CLPP: variants seen among roughly 807,000 people sequenced by gnomAD.
CLPP encodes caseinolytic mitochondrial matrix peptidase proteolytic subunit.
In CLPP, 14 loss-of-function variants were observed where a neutral mutation model predicts 27.4. The observed-to-expected ratio is 0.51, with a 90% confidence interval of 0.34 to 0.80. The LOEUF is 0.80. Among genes scored for constraint, CLPP ranks in the 30% least tolerant of loss-of-function variants. The probability of loss-of-function intolerance (pLI) is 0.02; values close to 1 mark genes in which losing one functional copy is unlikely to be tolerated. For synonymous variants in CLPP, 193 were observed against 166.6 expected, an observed-to-expected ratio of 1.16 and a Z score of -1.22; for missense variants, 361 against 403.6, an observed-to-expected ratio of 0.89 and a Z score of 0.90.
intron 5 of CLPP, among the ~76,000 whole-genome samples, chr19:6,367,749 TGC>T: frequency 6.7e-6 from 1 of 150,082 alleles, no homozygotes; most frequent in South Asian, 2.1e-4. Context: ...GATGGAGTCT[TGC>T]TTTGTTGCCC....
chr19:6,369,104 C>G lies in CLPP; in HGVS notation c.*394C>G, dbSNP rs191987887. Among the ~76,000 whole-genome samples the G allele has an allele frequency of 6.6e-6, 1 of 152,228 alleles. No homozygotes were observed. The highest frequency in any genetic ancestry group is 6.5e-5 in the Admixed American group (1 of 15,286). Reference sequence around the variant, plus strand: ...AAACCCTCCTCAAAAGAGCTCCATTCTTGTGGCAGTAGACAGTTACTAAAA... The same window carrying G: ...AAACCCTCCTCAAAAGAGCTCCATTGTTGTGGCAGTAGACAGTTACTAAAA... On this transcript the variant is annotated 3_prime_UTR_variant, in exon 6 of 6. Transcript: ENST00000245816.
chr19:6,364,538 G>A lies in CLPP; in HGVS notation c.454G>A (p.Ala152Thr), dbSNP rs754679245. The change falls in exon 4 of 6, where the codon GCC (alanine) becomes ACC (threonine). Residue 152 changes from alanine (A) to threonine (T), a missense_variant. Ala to Thr is a moderately conservative substitution (Grantham distance 58). This residue lies in a region of CLPP where 213 missense variants were observed against 280.9 expected (regional missense o/e 0.76). Transcript: ENST00000245816. ...CTGCACCTGGTGCGTGGGCCAGGCC[G>A]CCAGCATGGGCTCCCTGCTTCTCGC... The part of the protein sequence containing the change: ...PICTWCVGQA[A>T]SMGSLLLAAG... 28 of 1,612,738 alleles carry A rather than the reference G, an allele frequency of 1.7e-5. No homozygotes were observed. Among genetic ancestry groups the A allele is most frequent in the South Asian group, 3.3e-5 (3 of 91,040 alleles).
rs1244138178 is a variant in CLPP, at chr19:6,370,168, A to C, written c.*1458A>C. 6.6e-6 allele frequency among the ~76,000 whole-genome samples: 1 copy of C among 152,206 alleles called. No individual in the cohort carries two copies. Among genetic ancestry groups the C allele is most frequent in the East Asian group, 1.9e-4 (1 of 5,204 alleles). ...GGGATCAGGAGTTGATTTTGGATAT[A>C]TTATACCTGATGTTTTGATATGTCC... On this transcript the variant is annotated 3_prime_UTR_variant, in exon 6 of 6. Transcript: ENST00000245816.
In CLPP at chr19:6,364,480, C is replaced by T; in HGVS notation, c.396C>T (p.Ile132=). ...GTGTGGTGACCGCGGGCCTGGCCAT[C>T]TACGACACGATGCAGTACATCCTCA... The part of the protein sequence containing the change: ...PGGVVTAGLA[I]YDTMQYILNP... The change falls in exon 4 of 6, where the codon ATC becomes ATT. Residue 132 remains isoleucine (I), a synonymous_variant. Coordinates refer to ENST00000245816, the MANE Select transcript of CLPP (RefSeq NM_006012.4). 6.2e-7 allele frequency: 1 copy of T among 1,610,642 alleles called. No homozygotes were observed. Among genetic ancestry groups the T allele is most frequent in the Middle Eastern group, 1.9e-4 (1 of 5,174 alleles).
chr19:6,362,220 C>A, intron 2 of CLPP: 1 of 602,580 alleles, frequency 1.7e-6, no homozygotes, highest in South Asian at 2.0e-5. Context: ...CTCACCCCTT[C>A]CTTTCCTGTG....
chr19:6,361,582 C>A lies in CLPP; in HGVS notation c.8C>A (p.Pro3His). 1 of 1,409,354 alleles carries A rather than the reference C, an allele frequency of 7.1e-7. No individual in the cohort carries two copies. The highest frequency in any genetic ancestry group is 1.6e-5 in the South Asian group (1 of 61,610). The allele number at this position is 1,409,354 out of a possible 1,614,324, so 87.3% of individuals were successfully genotyped here. MW[P>H]GILVGGARVA... ...ACCGGGGCGTGCGGAGGGATGTGGC[C>A]CGGAATATTGGTAGGGGGGGCCCGG... Residue 3 changes from proline to histidine, a missense_variant, in exon 1 of 6, where the codon CCC becomes CAC. Around this residue, in one of 2 missense-constraint regions of CLPP, gnomAD observed 148 missense variants for 122.6 expected, o/e 1.21. Transcript: ENST00000245816.
intron 3 of CLPP, among the ~76,000 whole-genome samples, chr19:6,364,078 T>C (rs2091849477): frequency 6.8e-6 from 1 of 148,028 alleles, no homozygotes; most frequent in Non-Finnish European, 1.5e-5. Flanking sequence ...TCGCCCAGGC[T>C]GGAGTGCGGT....
rs563102273 is a variant in CLPP, at chr19:6,366,223, A to G, written c.556-35A>G. ...CTGTGAGGGGCTGACGCCGATACCA[A>G]CCTTTACCCCCTCACTCCCTTGGAC... On this transcript the variant is annotated intron_variant, in intron 4 of 5. Transcript: ENST00000245816. The G allele has an allele frequency of 3.4e-6, 5 of 1,489,302 alleles. No individual in the cohort carries two copies. In the African/African-American group the frequency reaches 5.5e-5, roughly 16 times the overall value. The allele number at this position is 1,489,302 out of a possible 1,614,324, so 92.3% of individuals were successfully genotyped here.
Position 6,368,674 on chromosome 19 carries a change from A to C in CLPP, c.798A>C (p.Ala266=). Residue 266 remains alanine, a synonymous_variant, in exon 6 of 6, where the codon GCA becomes GCC. Transcript: ENST00000245816. ...TGGTGCAGAAGGAGCCTGTAGAAGC[A>C]GCGCCGGCAGCAGAACCTGTCCCAG... is the stretch of plus-strand genomic sequence containing the variant. ...PTLVQKEPVE[A]APAAEPVPAS... 6.4e-7 allele frequency: 1 copy of C among 1,569,690 alleles called. No individual in the cohort carries two copies. The highest frequency in any genetic ancestry group is 8.6e-7 in the Non-Finnish European group (1 of 1,157,426).
chr19:6,364,373 C>T, intron 3 of CLPP, 79 bp from the exon 4 acceptor site: 2 of 1,371,004 alleles, frequency 1.5e-6, no homozygotes, highest in East Asian at 2.5e-5. Context: ...CTGTTCCACC[C>T]TCCCCAGGTT....
In CLPP at chr19:6,366,439, C is replaced by G. The variant is rs2091863117; in HGVS notation, c.661+76C>G. 6 of 1,144,698 alleles carry G rather than the reference C, an allele frequency of 5.2e-6. No individual in the cohort carries two copies. The Admixed American group carries it at 1.3e-4, about 25-fold the overall frequency. The allele number at this position is 1,144,698 out of a possible 1,614,324, so 70.9% of individuals were successfully genotyped here. A position where few individuals can be genotyped will look rare whatever the true frequency, so the allele number is the denominator to read the frequency against. On this transcript the variant is annotated intron_variant, in intron 5 of 5. Transcript: ENST00000245816. ...GTTGCTCTAAGCCAGGGCTTCTCCA[C>G]CTGGCCCCTGCGGACTTTCAGGGCT...
At position 6,361,866 on chromosome 19, in the gene CLPP, C is replaced by G; in HGVS notation, c.199-3C>G. 6.3e-7 allele frequency: 1 copy of G among 1,597,896 alleles called. No homozygotes were observed. The highest frequency in any genetic ancestry group is 1.1e-5 in the South Asian group (1 of 91,004). On this transcript the variant is annotated splice_polypyrimidine_tract_variant and splice_region_variant and intron_variant, in intron 1 of 5. Transcript: ENST00000245816. ...CCCCTCACCTCCATCTTTCTACCCCCAGGGTCGCGGCGAGCGCGCCTATGA... is the reference window on the plus strand; with the variant it reads ...CCCCTCACCTCCATCTTTCTACCCCGAGGGTCGCGGCGAGCGCGCCTATGA...
At chr19:6,365,138 G>C (rs112827254) in intron 4 of CLPP, 12 of 150,846 alleles carry the variant, frequency 8.0e-5, no homozygotes, top group Non-Finnish European at 7.4e-5. Flanking sequence ...TCAGGAGTTC[G>C]AGGCCAGCCA....
intron 5 of CLPP, among the ~76,000 whole-genome samples, chr19:6,367,369 T>G (rs2091867817): frequency 1.5e-5 from 2 of 136,958 alleles, no homozygotes; most frequent in Non-Finnish European, 1.5e-5. Flanking sequence ...AGTGAGACCC[T>G]GTCTCAAAAA....
chr19:6,362,200 C>T, intron 2 of CLPP: 1 of 602,700 alleles, frequency 1.7e-6, no homozygotes, highest in Non-Finnish European at 2.9e-6. Flanking sequence ...CAAGACTCTC[C>T]CCAGCCATTC....
At chr19:6,363,593 C>T (rs1479189185) in intron 3 of CLPP, among the ~76,000 whole-genome samples, 2 of 152,072 alleles carry the variant, frequency 1.3e-5, no homozygotes, top group African/African-American at 4.8e-5. Context: ...GTTTGTGAAC[C>T]CTGCTTTAAA....
chr19:6,363,331 T>TCGCC (rs2091845711), intron 3 of CLPP, among the ~76,000 whole-genome samples: 1 of 151,900 alleles, frequency 6.6e-6, no homozygotes, highest in African/African-American at 2.4e-5. Flanking sequence ...TTCACCATGT[T>TCGCC]AGGCTGGTCT....
intron 2 of CLPP, 98 bp downstream of exon 2, chr19:6,362,038 C>A (rs1397327834): frequency 8.7e-7 from 1 of 1,155,470 alleles, no homozygotes; most frequent in Non-Finnish European, 1.2e-6. Flanking sequence ...TTCCCTCAGG[C>A]TCCGCTCCCC....
Position 6,369,929 on chromosome 19 carries a change from A to G in CLPP, c.*1219A>G, listed in dbSNP as rs1486724759. Among the ~76,000 whole-genome samples, 2 of 152,214 alleles carry G rather than the reference A, an allele frequency of 1.3e-5. No individual in the cohort carries two copies. Among genetic ancestry groups the G allele is most frequent in the Non-Finnish European group, 2.9e-5 (2 of 68,032 alleles). On this transcript the variant is annotated 3_prime_UTR_variant, in exon 6 of 6. Transcript: ENST00000245816. ...GACTATGACTCCTGAGGAGTGCACC[A>G]TGAGCAGAAACTGGAGAGCAGTTAG... is the stretch of plus-strand genomic sequence containing the variant.
Sources: allele counts gnomAD v4.1 joint callset (sites outside exome capture counted in the v4.1 genomes callset), GRCh38; gene constraint gnomAD v4.1.1; regional missense constraint gnomAD v4.1.1; transcripts MANE v1.5; gene names NCBI Gene and HGNC (gene_info 2026-07-23, HGNC 2026-07-21).